The following DLC1 variants were observed in gnomAD, a reference collection of about 807,000 sequenced individuals.
DLC1 encodes the protein rho GTPase-activating protein 7.
DLC1 carries 54 observed loss-of-function variants against 140.3 expected under a neutral mutation model. The observed-to-expected ratio is 0.38, with a 90% CI of 0.31 to 0.48. The LOEUF (loss-of-function observed/expected upper bound fraction) is 0.48. Among genes scored for constraint, DLC1 ranks in the 20% least tolerant of loss-of-function variants. The pLI, the probability that DLC1 is intolerant of heterozygous loss-of-function variation, is 0.96. For synonymous variants in DLC1, 986 were observed against 728.1 expected (o/e 1.35, Z -5.70); for missense variants, 2,536 against 1,907.0 (o/e 1.33, Z -6.14).
At chr8:13,091,482 TTC>T (rs759183288) in intron 13 of DLC1, 50 bp from the exon 14 acceptor site, 2 of 1,518,928 alleles carry the variant, frequency 1.3e-6, no homozygotes, top group Non-Finnish European at 1.8e-6. Flanking sequence ...TTATATATTT[TTC>T]TTCAAGGTAT....
chr8:13,324,068 A>C (rs1029980643), intron 4 of DLC1, among the ~76,000 whole-genome samples: 1 of 152,210 alleles, frequency 6.6e-6, no homozygotes, highest in South Asian at 2.1e-4. Context: ...TAGTTAATAC[A>C]GTGTCTGACA....
At chr8:13,557,815 G>T (rs1225749860) in intron 1 of DLC1, 1 of 152,274 alleles carries the variant, frequency 6.6e-6, no homozygotes, top group Middle Eastern at 3.4e-3. Flanking sequence ...AATAATAGGT[G>T]TGTTAGATCC....
intron 3 of DLC1, among the ~76,000 whole-genome samples, chr8:13,398,538 G>A (rs1837153847): frequency 6.8e-6 from 1 of 146,050 alleles, no homozygotes; most frequent in Non-Finnish European, 1.5e-5. Context: ...GCCGAGGTGT[G>A]AAGATTGCTT....
intron 2 of DLC1, among the ~76,000 whole-genome samples, chr8:13,404,475 G>A (rs1183493678): frequency 6.6e-6 from 1 of 152,146 alleles, no homozygotes. Flanking sequence ...CTTAGAATTT[G>A]ACTTGAATAG....
At chr8:13,205,627 A>G (rs1827623076) in intron 5 of DLC1, among the ~76,000 whole-genome samples, 1 of 152,164 alleles carries the variant, frequency 6.6e-6, no homozygotes, top group Non-Finnish European at 1.5e-5. Flanking sequence ...AAAAATAGCA[A>G]AAAATTCTTC....
At chr8:13,307,369 C>T (rs1049787502) in intron 4 of DLC1, among the ~76,000 whole-genome samples, 2 of 152,276 alleles carry the variant, frequency 1.3e-5, no homozygotes, top group Admixed American at 6.5e-5. Context: ...GACTTTTCTT[C>T]TTCTTCAAGA....
At chr8:13,453,420 A>ATTTTTTTTTTTTTTTTT (rs1218533007) in intron 2 of DLC1, among the ~76,000 whole-genome samples, 3 of 22,712 alleles carry the variant, frequency 1.3e-4, no homozygotes, top group Non-Finnish European at 2.4e-4. Context: ...ATATATATAT[A>ATTTTTTTTTTTTTTTTT]TATGTGTATA....
At chr8:13,477,586 TGATGATGCTTTCTTA>T (rs1257742282) in intron 2 of DLC1, among the ~76,000 whole-genome samples, 1 of 152,222 alleles carries the variant, frequency 6.6e-6, no homozygotes, top group African/African-American at 2.4e-5. Context: ...AATAATCTGG[TGATGATGCTTTCTTA>T]GGAAGATTAA....
intron 5 of DLC1, among the ~76,000 whole-genome samples, chr8:13,292,735 C>G (rs1831805518): frequency 2.0e-5 from 3 of 152,116 alleles, no homozygotes; most frequent in African/African-American, 7.2e-5. Context: ...TAACAGAATT[C>G]TGACATTTTT....
chr8:13,601,315 AT>A (rs1351730373), intron 1 of DLC1, among the ~76,000 whole-genome samples: 2 of 151,782 alleles, frequency 1.3e-5, no homozygotes, highest in African/African-American at 4.8e-5. Context: ...AACAGATGCT[AT>A]CTTATACTTC....
At chr8:13,299,457 A>G (rs969606391) in intron 5 of DLC1, among the ~76,000 whole-genome samples, 1 of 138,370 alleles carries the variant, frequency 7.2e-6, no homozygotes, top group African/African-American at 2.7e-5. Context: ...CCAAAAAAAG[A>G]AAAAAAAAAA....
intron 1 of DLC1, among the ~76,000 whole-genome samples, chr8:13,593,292 C>G (rs1235475789): frequency 6.6e-6 from 1 of 152,140 alleles, no homozygotes; most frequent in Non-Finnish European, 1.5e-5. Context: ...TTAACTGCTT[C>G]AGTTCTACTG....
intron 5 of DLC1, chr8:13,214,573 T>TC (rs1448285397): frequency 4.5e-6 from 3 of 662,474 alleles, no homozygotes; most frequent in African/African-American, 3.6e-5. Context: ...TTTTTTTTTT[T>TC]TGTGGCTGCC....
chr8:13,572,246 C>T (rs1441390966), intron 1 of DLC1, among the ~76,000 whole-genome samples: 6 of 151,948 alleles, frequency 3.9e-5, no homozygotes, highest in East Asian at 1.9e-4. Flanking sequence ...CCTGCCACCA[C>T]GCCCAGCTAA....
chr8:13,217,992 A>C (rs751224329), intron 5 of DLC1, among the ~76,000 whole-genome samples: 2 of 152,190 alleles, frequency 1.3e-5, no homozygotes, highest in Non-Finnish European at 2.9e-5. Context: ...TACCAGAAAC[A>C]TGACAGAAGC....
chr8:13,258,866 G>C (rs927043293), intron 5 of DLC1, among the ~76,000 whole-genome samples: 5 of 152,078 alleles, frequency 3.3e-5, no homozygotes, highest in Non-Finnish European at 7.4e-5. Context: ...GGCCGGGCGC[G>C]GTGGCTCACG....
At chr8:13,592,940 A>G (rs907988307) in intron 1 of DLC1, among the ~76,000 whole-genome samples, 4 of 152,138 alleles carry the variant, frequency 2.6e-5, no homozygotes, top group African/African-American at 9.7e-5. Context: ...AAACAGGGTC[A>G]CACCCTTATG....
intron 1 of DLC1, among the ~76,000 whole-genome samples, chr8:13,539,624 A>C (rs2117327889): frequency 6.6e-6 from 1 of 152,216 alleles, no homozygotes; most frequent in South Asian, 2.1e-4. Flanking sequence ...CCTCACCAGC[A>C]ACTGATGTCA....
At chr8:13,521,081 A>G (rs1370056155) in intron 1 of DLC1, among the ~76,000 whole-genome samples, 1 of 152,180 alleles carries the variant, frequency 6.6e-6, no homozygotes, top group East Asian at 1.9e-4. Context: ...ATAAAAAGGA[A>G]CAAGATCATG....
Sources: gnomAD v4.1 joint callset for allele counts (sites outside exome capture counted in the v4.1 genomes callset) on GRCh38, gnomAD v4.1.1 for gene constraint, MANE v1.5 for transcripts, NCBI Gene and HGNC (gene_info 2026-07-23, HGNC 2026-07-21) for gene names.